RBM33: variants seen among roughly 807,000 people sequenced by gnomAD.
RBM33 encodes RNA binding motif protein 33.
RBM33 carries 28 observed loss-of-function variants against 132.6 expected under a neutral mutation model. That is an observed-to-expected ratio of 0.21 (90% CI 0.16 to 0.29). RBM33 has a LOEUF of 0.29. Ranked by LOEUF, RBM33 falls within the 10% of genes least tolerant of loss-of-function variation. The probability of loss-of-function intolerance (pLI) is 1.00; values close to 1 mark genes in which losing one functional copy is unlikely to be tolerated. For missense variants in RBM33, 1,291 were observed against 1,518.5 expected (o/e 0.85, Z 2.49); for synonymous variants, 634 against 593.0 (o/e 1.07, Z -1.01).
intron 6 of RBM33, among the ~76,000 whole-genome samples, chr7:155,704,759 C>G (rs1208522070): frequency 6.6e-6 from 1 of 151,956 alleles, no homozygotes; most frequent in East Asian, 1.9e-4. Flanking sequence ...TTGCTGTAGC[C>G]TAAAGAACCT....
intron 2 of RBM33, among the ~76,000 whole-genome samples, chr7:155,667,053 T>G (rs1358224283): frequency 6.6e-6 from 1 of 152,330 alleles, no homozygotes; most frequent in East Asian, 1.9e-4. Context: ...ATTCTAATTG[T>G]TTACGTACAT....
In RBM33 at chr7:155,656,374, C is replaced by CG. The variant is rs1798491275; in HGVS notation, c.44-8801_44-8800insG. Among the ~76,000 whole-genome samples, 8 of 80,566 alleles carry CG rather than the reference C, an allele frequency of 9.9e-5. 1 individual carries two copies. The Middle Eastern group carries it at 0.04, about 403-fold the overall frequency. The allele number at this position is 80,566 out of a possible 152,430, so 52.9% of individuals were successfully genotyped here. A position where few individuals can be genotyped will look rare whatever the true frequency, so the allele number is the denominator to read the frequency against. ...AAGACACGCTTGGACTTTAACATAA[C>CG]AGGTATGAAATATTAATTGCTGTGG... is the stretch of plus-strand genomic sequence containing the variant. On this transcript the variant is annotated intron_variant, in intron 1 of 17. Transcript: ENST00000401878.
chr7:155,695,528 C>T (rs1234440412), intron 5 of RBM33, among the ~76,000 whole-genome samples: 4 of 152,226 alleles, frequency 2.6e-5, no homozygotes, highest in South Asian at 2.1e-4. Flanking sequence ...GGCATGATCT[C>T]GGCTCACTGC....
intron 6 of RBM33, among the ~76,000 whole-genome samples, chr7:155,705,416 GTC>G (rs1323214873): frequency 2.6e-5 from 4 of 152,188 alleles, no homozygotes; most frequent in African/African-American, 9.7e-5. Context: ...TAGAATAAAA[GTC>G]TATGCTGGTT....
At chr7:155,724,083 G>T (rs1800706601) in intron 9 of RBM33, among the ~76,000 whole-genome samples, 1 of 152,256 alleles carries the variant, frequency 6.6e-6, no homozygotes, top group South Asian at 2.1e-4. Context: ...ACTCCTCTGT[G>T]CAGGGAAATC....
intron 9 of RBM33, among the ~76,000 whole-genome samples, chr7:155,732,396 TC>T (rs1330714774): frequency 6.6e-6 from 1 of 152,206 alleles, no homozygotes; most frequent in Non-Finnish European, 1.5e-5. Flanking sequence ...ATTTTACTCT[TC>T]CTTTTCTCTC....
intron 8 of RBM33, among the ~76,000 whole-genome samples, chr7:155,716,174 A>G (rs1056580505): frequency 6.6e-6 from 1 of 152,238 alleles, no homozygotes; most frequent in African/African-American, 2.4e-5. Context: ...AGGGCCTGGC[A>G]GGGAGAGCCC....
At chr7:155,730,354 C>T (rs553359202) in intron 9 of RBM33, among the ~76,000 whole-genome samples, 5 of 152,262 alleles carry the variant, frequency 3.3e-5, no homozygotes, top group African/African-American at 9.6e-5. Flanking sequence ...GGAAATATGA[C>T]AGAAGATATG....
At chr7:155,700,489 G>T (rs972198797) in intron 5 of RBM33, among the ~76,000 whole-genome samples, 1 of 149,926 alleles carries the variant, frequency 6.7e-6, no homozygotes, top group African/African-American at 2.5e-5. Context: ...ATTTTCAGAC[G>T]TGTAAGCAGC....
intron 16 of RBM33, among the ~76,000 whole-genome samples, chr7:155,772,330 ACTC>A (rs1180565360): frequency 1.3e-5 from 2 of 152,032 alleles, no homozygotes; most frequent in African/African-American, 4.8e-5. Flanking sequence ...GACAAGTGAC[ACTC>A]ACTCCACACA....
At chr7:155,714,351 A>G (rs1205944411) in intron 8 of RBM33, among the ~76,000 whole-genome samples, 3 of 152,180 alleles carry the variant, frequency 2.0e-5, no homozygotes, top group Non-Finnish European at 4.4e-5. Context: ...AAAGGAGATC[A>G]TTGGAGATCT....
chr7:155,646,042 T>C (rs1452862776), intron 1 of RBM33, among the ~76,000 whole-genome samples: 1 of 152,234 alleles, frequency 6.6e-6, no homozygotes, highest in Non-Finnish European at 1.5e-5. Context: ...AATTTTAAAA[T>C]GTATAGTTCA....
chr7:155,769,917 A>C (rs967368498), intron 16 of RBM33, among the ~76,000 whole-genome samples: 4 of 152,226 alleles, frequency 2.6e-5, no homozygotes, highest in Non-Finnish European at 5.9e-5. Flanking sequence ...GCTCTCCCAC[A>C]GGGTTCTGAG....
intron 8 of RBM33, among the ~76,000 whole-genome samples, chr7:155,717,513 G>T (rs566796236): frequency 8.6e-6 from 1 of 116,668 alleles, no homozygotes; most frequent in Admixed American, 1.1e-4. Flanking sequence ...GGGCTTCAAC[G>T]TATACATTTG....
chr7:155,712,343 C>G (rs1426805113), intron 8 of RBM33, among the ~76,000 whole-genome samples: 4 of 152,328 alleles, frequency 2.6e-5, no homozygotes, highest in Non-Finnish European at 5.9e-5. Context: ...ACTTCATGTA[C>G]CTGTGAACAC....
chr7:155,767,306 C>T (rs901616091), intron 16 of RBM33, among the ~76,000 whole-genome samples: 8 of 152,240 alleles, frequency 5.3e-5, no homozygotes, highest in Non-Finnish European at 2.9e-5. Flanking sequence ...TCTGGCCTCC[C>T]CGTCAGGTGC....
At chr7:155,743,131 A>G (rs1585517606) in intron 13 of RBM33, among the ~76,000 whole-genome samples, 1 of 152,230 alleles carries the variant, frequency 6.6e-6, no homozygotes, top group Non-Finnish European at 1.5e-5. Context: ...TGGAAGTACA[A>G]AGTTGAAATA....
chr7:155,707,234 ATAGTCT>A, intron 7 of RBM33, 166 bp downstream of exon 7: 1 of 726,378 alleles, frequency 1.4e-6, no homozygotes, highest in Non-Finnish European at 2.5e-6. Flanking sequence ...GATGTTGCAT[ATAGTCT>A]TAGAAATTCA....
intron 14 of RBM33, among the ~76,000 whole-genome samples, chr7:155,761,527 T>C (rs1802036497): frequency 6.6e-6 from 1 of 152,262 alleles, no homozygotes; most frequent in African/African-American, 2.4e-5. Flanking sequence ...TTTTGGTACT[T>C]GTGTCTCGTT....
Sources: gnomAD v4.1 joint callset for allele counts (sites outside exome capture counted in the v4.1 genomes callset) on GRCh38, gnomAD v4.1.1 for gene constraint, MANE v1.5 for transcripts, NCBI Gene and HGNC (gene_info 2026-07-23, HGNC 2026-07-21) for gene names.